DIAPH2: variants seen among roughly 807,000 people sequenced by gnomAD.
DIAPH2 encodes the protein protein diaphanous homolog 2.
In DIAPH2, 35 loss-of-function variants were observed where a neutral mutation model predicts 92.7. That is an observed-to-expected ratio of 0.38 (90% CI 0.29 to 0.50). The LOEUF (loss-of-function observed/expected upper bound fraction) is 0.50, where lower values mean the gene tolerates loss of function less well. Among genes scored for constraint, DIAPH2 ranks in the 20% least tolerant of loss-of-function variants. DIAPH2 has a pLI of 0.94. For missense variants in DIAPH2, 701 were observed against 819.5 expected, an observed-to-expected ratio of 0.86 and a Z score of 1.77; for synonymous variants, 301 against 280.4, an observed-to-expected ratio of 1.07 and a Z score of -0.73.
At chrX:97,180,757 A>G (rs1277843905) in intron 22 of DIAPH2, among the ~76,000 whole-genome samples, 3 of 111,909 alleles carry the variant, frequency 2.7e-5, no homozygotes, top group African/African-American at 9.8e-5. Flanking sequence ...TTTATTAAAT[A>G]GGGAATCATT....
chrX:97,247,666 G>A, intron 22 of DIAPH2, 49 bp from the exon 23 acceptor site: 1 of 1,108,613 alleles, frequency 9.0e-7, no homozygotes, highest in Non-Finnish European at 1.2e-6. Flanking sequence ...TAGATGTTTT[G>A]TGGAACACTT....
At chrX:97,515,618 A>G (rs1366225571) in intron 26 of DIAPH2, among the ~76,000 whole-genome samples, 1 of 110,440 alleles carries the variant, frequency 9.1e-6, no homozygotes, top group East Asian at 2.8e-4. Flanking sequence ...AGGGGATATG[A>G]TCTAATAATA....
In DIAPH2 at chrX:97,117,963, G is replaced by GT. The variant is rs890039770; in HGVS notation, c.2589+3008dup. Among the ~76,000 whole-genome samples, 653 of 105,148 alleles carry GT rather than the reference G, an allele frequency of 6.2e-3. 5 individuals are homozygous for GT. The highest frequency in any genetic ancestry group is 0.017 in the African/African-American group (488 of 29,128). 91.3% of individuals were successfully genotyped at this position (105,148 alleles called of 115,157 possible). On this transcript the variant is annotated intron_variant, in intron 21 of 26. Coordinates refer to ENST00000324765, the MANE Select transcript of DIAPH2 (RefSeq NM_006729.5). Reference sequence around the variant, plus strand: ...TACACTTCAAGGCCATTTGTTTGTTGTTTTTTTTTTCAGTACGAAATAGCA... The same window carrying GT: ...TACACTTCAAGGCCATTTGTTTGTTGTTTTTTTTTTTCAGTACGAAATAGCA...
intron 4 of DIAPH2, among the ~76,000 whole-genome samples, chrX:96,848,046 TTA>T (rs2064983653): frequency 9.2e-6 from 1 of 108,250 alleles, no homozygotes; most frequent in Non-Finnish European, 1.9e-5. Context: ...ATTATTATTA[TTA>T]TTTTTTTTAG....
rs61350837 is a variant in DIAPH2 at position 97,095,098 on chromosome X, C to CTTTT, written c.2248-4563_2248-4560dup. On this transcript the variant is annotated intron_variant, in intron 19 of 26. Transcript: ENST00000324765. ...GACTTTTAGGGAAATGTTTCTTTTT[C>CTTTT]TTTTTTTTTTTTTTTTTTTTTTTTT... 7.1e-4 allele frequency among the ~76,000 whole-genome samples: 16 copies of CTTTT among 22,412 alleles called. 5 individuals are homozygous for CTTTT. The highest frequency in any genetic ancestry group is 3.7e-3 in the East Asian group (2 of 547). The allele number at this position is 22,412 out of a possible 115,157, so 19.5% of individuals were successfully genotyped here. A position where few individuals can be genotyped will look rare whatever the true frequency, so the allele number is the denominator to read the frequency against.
At chrX:97,518,903 C>T (rs1408379273) in intron 26 of DIAPH2, among the ~76,000 whole-genome samples, 7 of 111,423 alleles carry the variant, frequency 6.3e-5, no homozygotes, top group Admixed American at 2.9e-4. Flanking sequence ...TCAGGATTCC[C>T]GATTCCAGCT....
intron 3 of DIAPH2, among the ~76,000 whole-genome samples, chrX:96,754,923 C>CAAAAAAAAAAAAAAA (rs1007573600): frequency 6.2e-5 from 1 of 16,005 alleles, no homozygotes; most frequent in Non-Finnish European, 1.1e-4. Flanking sequence ...GTCTCCACCT[C>CAAAAAAAAAAAAAAA]AAAAAAAAAA....
In DIAPH2 at chrX:97,501,513, T is replaced by C. The variant is rs775828328; in HGVS notation, c.3241+71768T>C. Among the ~76,000 whole-genome samples, 36 of 112,206 alleles carry C rather than the reference T, an allele frequency of 3.2e-4. No homozygotes were observed. The South Asian group carries it at 4.8e-3, about 15-fold the overall frequency. The stretch of plus-strand genomic sequence containing the variant: ...AGACAAGTATGTTAAGGAATTTGTC[T>C]TCTACATAGTGACAGGTATCAAAGT... On this transcript the variant is annotated intron_variant, in intron 26 of 26. Coordinates refer to ENST00000324765, the MANE Select transcript of DIAPH2 (RefSeq NM_006729.5).
At chrX:97,497,357 G>A (rs985429809) in intron 26 of DIAPH2, among the ~76,000 whole-genome samples, 51 of 109,248 alleles carry the variant, frequency 4.7e-4, no homozygotes, top group African/African-American at 1.6e-3. Context: ...CCACCCCCAC[G>A]CCTCCCTTCT....
intron 22 of DIAPH2, among the ~76,000 whole-genome samples, chrX:97,214,230 G>T (rs1602422269): frequency 8.9e-6 from 1 of 111,966 alleles, no homozygotes; most frequent in Non-Finnish European, 1.9e-5. Context: ...TGTATAATTT[G>T]AAAACGACAT....
intron 17 of DIAPH2, among the ~76,000 whole-genome samples, chrX:97,018,691 C>T (rs894126857): frequency 2.7e-5 from 3 of 111,902 alleles, no homozygotes; most frequent in African/African-American, 9.7e-5. Context: ...TGCTCATCTC[C>T]TCCCTGCTCT....
At chrX:97,094,868 A>T (rs1188700964) in intron 19 of DIAPH2, among the ~76,000 whole-genome samples, 1 of 111,088 alleles carries the variant, frequency 9.0e-6, no homozygotes, top group Non-Finnish European at 1.9e-5. Context: ...ACAGAAAATA[A>T]GTATAGAACC....
intron 3 of DIAPH2, among the ~76,000 whole-genome samples, chrX:96,750,257 A>T (rs1339035806): frequency 1.8e-5 from 2 of 109,806 alleles, no homozygotes; most frequent in Non-Finnish European, 1.9e-5. Flanking sequence ...CGAACTCCTG[A>T]CCTCAGGTGA....
chrX:96,767,322 G>A (rs929352207), intron 4 of DIAPH2, among the ~76,000 whole-genome samples: 8 of 110,769 alleles, frequency 7.2e-5, no homozygotes, highest in South Asian at 3.8e-4. Flanking sequence ...GCAATCATGG[G>A]TTTAGAGGCA....
intron 4 of DIAPH2, among the ~76,000 whole-genome samples, chrX:96,810,083 G>A (rs910535707): frequency 7.1e-5 from 8 of 112,064 alleles, no homozygotes; most frequent in African/African-American, 1.9e-4. Flanking sequence ...GATCCTTAAG[G>A]AATTGCCACA....
At chrX:96,967,493 C>T (rs1275739278) in intron 17 of DIAPH2, among the ~76,000 whole-genome samples, 1 of 109,990 alleles carries the variant, frequency 9.1e-6, no homozygotes, top group Non-Finnish European at 1.9e-5. Context: ...GATCTTGGCT[C>T]ACTGCAACCT....
intron 22 of DIAPH2, among the ~76,000 whole-genome samples, chrX:97,209,882 T>A (rs2067826527): frequency 9.0e-6 from 1 of 111,084 alleles, no homozygotes; most frequent in Non-Finnish European, 1.9e-5. Context: ...CTTCTTTTTT[T>A]TATATTTATA....
intron 26 of DIAPH2, among the ~76,000 whole-genome samples, chrX:97,458,842 A>G (rs2070433078): frequency 8.9e-6 from 1 of 111,764 alleles, no homozygotes; most frequent in African/African-American, 3.3e-5. Context: ...TCTTTTTGTC[A>G]GTAAGTTGTT....
chrX:96,901,827 G>A (rs1040315262), intron 5 of DIAPH2, among the ~76,000 whole-genome samples: 6 of 110,579 alleles, frequency 5.4e-5, no homozygotes, highest in South Asian at 3.9e-4. Flanking sequence ...GAGCTACTGC[G>A]CCCGGCCTTT....
Sources: gnomAD v4.1 joint callset for allele counts (sites outside exome capture counted in the v4.1 genomes callset) on GRCh38, gnomAD v4.1.1 for gene constraint, MANE v1.5 for transcripts, NCBI Gene and HGNC (gene_info 2026-07-23, HGNC 2026-07-21) for gene names.